BICRA: variants seen among roughly 807,000 people sequenced by gnomAD.
BICRA encodes BRD4 interacting chromatin remodeling complex associated protein.
Under a neutral mutation model 96.9 loss-of-function variants are expected in BICRA, and 31 were observed. The observed-to-expected ratio is 0.32, with a 90% confidence interval of 0.24 to 0.43. The LOEUF (loss-of-function observed/expected upper bound fraction) is 0.43, where lower values mean the gene tolerates loss of function less well. Among genes scored for constraint, BICRA ranks in the 20% least tolerant of loss-of-function variants. BICRA has a pLI of 1.00. For missense variants in BICRA, 2,283 were observed against 2,190.3 expected, an observed-to-expected ratio of 1.04 and a Z score of -0.84; for synonymous variants, 1,350 against 1,071.8, an observed-to-expected ratio of 1.26 and a Z score of -5.07.
intron 1 of BICRA, among the ~76,000 whole-genome samples, chr19:47,631,422 T>G (rs1972220461): frequency 6.6e-6 from 1 of 152,094 alleles, no homozygotes; most frequent in Non-Finnish European, 1.5e-5. Context: ...AAGACAGGGT[T>G]TCACCATATT....
intron 7 of BICRA, among the ~76,000 whole-genome samples, chr19:47,685,576 G>C (rs917722394): frequency 1.3e-5 from 2 of 152,144 alleles, no homozygotes; most frequent in Non-Finnish European, 2.9e-5. Flanking sequence ...CATCCAGACT[G>C]GGAACCGCTA....
chr19:47,608,548 C>G (rs1175306568), upstream of BICRA: 1 of 152,238 alleles, frequency 6.6e-6, no homozygotes, highest in Non-Finnish European at 1.5e-5. Flanking sequence ...CCCAGCCGGA[C>G]CGGCGGTCTG....
intron 1 of BICRA, among the ~76,000 whole-genome samples, chr19:47,667,022 CT>C (rs1045708307): frequency 0.011 from 1,590 of 142,940 alleles, 14 homozygotes; most frequent in Non-Finnish European, 0.012. Flanking sequence ...TGTCTTTTTT[CT>C]TTTTTTTTTT....
At position 47,695,379 on chromosome 19, in the gene BICRA, C is replaced by T. The variant is rs1268280475; in HGVS notation, c.3091C>T (p.Leu1031Phe). Residue 1031 changes from leucine to phenylalanine, a missense_variant, in exon 10 of 15, where the codon CTT (leucine) becomes TTT (phenylalanine). Physicochemically the swap from Leu to Phe is conservative, Grantham distance 22 (BLOSUM62 0). Transcript: ENST00000594866. The part of the protein sequence containing the change: ...PMAATGLPPL[L>F]PAENKAFASN... ...CCCACCCCCAGGCCTCCCTCCTCTG[C>T]TTCCAGCCGAGAACAAGGCTTTTGC... 1.3e-6 allele frequency: 2 copies of T among 1,513,504 alleles called. No homozygotes were observed. The highest frequency in any genetic ancestry group is 9.0e-7 in the Non-Finnish European group (1 of 1,110,034). 93.8% of individuals were successfully genotyped at this position (1,513,504 alleles called of 1,614,324 possible).
At chr19:47,652,690 A>G (rs1972557491) in intron 1 of BICRA, among the ~76,000 whole-genome samples, 1 of 152,186 alleles carries the variant, frequency 6.6e-6, no homozygotes, top group Admixed American at 6.5e-5. Flanking sequence ...TTTTTCAACA[A>G]ATATTTCTAA....
intron 7 of BICRA, among the ~76,000 whole-genome samples, chr19:47,690,173 T>C (rs768286594): frequency 6.6e-6 from 1 of 152,108 alleles, no homozygotes; most frequent in Non-Finnish European, 1.5e-5. Context: ...AGCTAATTTT[T>C]GTATTTTTAA....
chr19:47,687,115 T>C (rs1004902957), intron 7 of BICRA, among the ~76,000 whole-genome samples: 3 of 152,220 alleles, frequency 2.0e-5, no homozygotes, highest in African/African-American at 7.2e-5. Context: ...TGTTTATTTT[T>C]CTGGGCAACT....
At position 47,680,867 on chromosome 19, in the gene BICRA, T is replaced by C; in HGVS notation, c.1697T>C (p.Leu566Pro). Residue 566 changes from leucine to proline, a missense_variant, in exon 6 of 15, where the codon CTG (leucine) becomes CCG (proline). Leu to Pro is a moderately conservative substitution (Grantham distance 98). Coordinates refer to ENST00000594866, the MANE Select transcript of BICRA (RefSeq NM_001394372.1). ...QMPVSLAAGSLPTQSQPAPAG... is the reference protein window; with the variant it reads ...QMPVSLAAGSPPTQSQPAPAG... ...CCCGTGTCGCTGGCGGCGGGCAGCC[T>C]GCCCACGCAGAGCCAGCCAGCGCCC... The C allele has an allele frequency of 6.5e-7, 1 of 1,538,580 alleles. No individual in the cohort carries two copies. Among genetic ancestry groups the C allele is most frequent in the Non-Finnish European group, 8.7e-7 (1 of 1,153,110 alleles).
chr19:47,609,921 C>T (rs1971873698), intron 1 of BICRA, among the ~76,000 whole-genome samples: 2 of 152,082 alleles, frequency 1.3e-5, no homozygotes, highest in Non-Finnish European at 2.9e-5. Flanking sequence ...TGACCCCCTC[C>T]CCCACCCCCA....
At chr19:47,632,525 T>C (rs1159584379) in intron 1 of BICRA, among the ~76,000 whole-genome samples, 1 of 152,222 alleles carries the variant, frequency 6.6e-6, no homozygotes, top group Admixed American at 6.5e-5. Flanking sequence ...GAGAGCTGGC[T>C]GCATCCGATG....
intron 5 of BICRA, among the ~76,000 whole-genome samples, chr19:47,678,382 C>G (rs994518097): frequency 6.6e-6 from 1 of 152,188 alleles, no homozygotes; most frequent in Non-Finnish European, 1.5e-5. Flanking sequence ...TCCCAAAGTG[C>G]TGGGATTACA....
chr19:47,654,019 C>T (rs1972578721), intron 1 of BICRA, among the ~76,000 whole-genome samples: 1 of 152,046 alleles, frequency 6.6e-6, no homozygotes, highest in Admixed American at 6.6e-5. Flanking sequence ...TTTGTGTGGA[C>T]ATATGTTTTC....
At position 47,680,634 on chromosome 19, in the gene BICRA, C is replaced by T. The variant is rs751624135; in HGVS notation, c.1464C>T (p.Ala488=). The change falls in exon 6 of 15, where the codon GCC becomes GCT. Residue 488 remains alanine (A), a synonymous_variant. Coordinates refer to ENST00000594866, the MANE Select transcript of BICRA (RefSeq NM_001394372.1). ...PAVQLPQQLS[A]LPANVGGQIL... is the part of the protein sequence containing the mutation. Reference sequence around the variant, plus strand: ...TCCAGCTCCCGCAGCAGCTCTCAGCCCTGCCGGCCAACGTGGGCGGGCAGA... The same window carrying T: ...TCCAGCTCCCGCAGCAGCTCTCAGCTCTGCCGGCCAACGTGGGCGGGCAGA... The T allele has an allele frequency of 8.1e-6, 13 of 1,610,112 alleles. No individual in the cohort carries two copies. Among genetic ancestry groups the T allele is most frequent in the South Asian group, 3.3e-5 (3 of 90,882 alleles).
chr19:47,650,995 T>C (rs899836731), intron 1 of BICRA, among the ~76,000 whole-genome samples: 1 of 152,150 alleles, frequency 6.6e-6, no homozygotes, highest in African/African-American at 2.4e-5. Flanking sequence ...TTACACTCCT[T>C]GGCCAATCCA....
rs184106167 is a variant in BICRA, at chr19:47,614,039, A to T, written c.-108+4871A>T. Among the ~76,000 whole-genome samples, 246 of 151,032 alleles carry T rather than the reference A, an allele frequency of 1.6e-3. 1 individual carries two copies. Among genetic ancestry groups the T allele is most frequent in the Admixed American group, 0.013 (192 of 15,112 alleles). ...GACAGGGCCCTGGGGATCAGTTAAG[A>T]CCTTGGGACACAGTCCAGGAGGAGG... On this transcript the variant is annotated intron_variant, in intron 1 of 14. Transcript: ENST00000594866.
chr19:47,654,811 A>C (rs958011958), intron 1 of BICRA, among the ~76,000 whole-genome samples: 1 of 151,904 alleles, frequency 6.6e-6, no homozygotes, highest in Non-Finnish European at 1.5e-5. Flanking sequence ...AAAAAATCAC[A>C]AAACAACACA....
chr19:47,651,307 C>T lies in BICRA; in HGVS notation c.-107-19136C>T, dbSNP rs532255059. On this transcript the variant is annotated intron_variant, in intron 1 of 14. Coordinates refer to ENST00000594866, the MANE Select transcript of BICRA (RefSeq NM_001394372.1). ...TCTCCTGCATGCCTACTCATGCTCA[C>T]GCCCTCATCACTGCCCGTGGTCCCT... Among the ~76,000 whole-genome samples the T allele has an allele frequency of 1.1e-4, 16 of 152,246 alleles. 1 individual carries two copies. In the South Asian group the frequency reaches 3.3e-3, roughly 32 times the overall value.
At chr19:47,670,384 C>A (rs10414399) in intron 1 of BICRA, 59 bp from the exon 2 acceptor site, 1 of 152,280 alleles carries the variant, frequency 6.6e-6, no homozygotes, top group Non-Finnish European at 1.5e-5. Context: ...TCTCTGACCA[C>A]GTCTTTTTCC....
At chr19:47,649,285 C>T (rs1215819483) in intron 1 of BICRA, among the ~76,000 whole-genome samples, 1 of 152,120 alleles carries the variant, frequency 6.6e-6, no homozygotes, top group East Asian at 1.9e-4. Flanking sequence ...TGTGCCTGGC[C>T]TGTATGTTAT....
Sources: gnomAD v4.1 joint callset for allele counts (sites outside exome capture counted in the v4.1 genomes callset) on GRCh38, gnomAD v4.1.1 for gene constraint, MANE v1.5 for transcripts, NCBI Gene and HGNC (gene_info 2026-07-23, HGNC 2026-07-21) for gene names.